ATRN: variants seen among roughly 807,000 people sequenced by gnomAD.
ATRN encodes attractin-2.
A neutral mutation model predicts 178.7 loss-of-function variants in ATRN; 54 were observed. That is an observed-to-expected ratio of 0.30 (90% CI 0.24 to 0.38). ATRN has a LOEUF of 0.38. ATRN is among the 10% of genes least tolerant of loss of function. The pLI, the probability that ATRN is intolerant of heterozygous loss-of-function variation, is 1.00. For missense variants in ATRN, 1,443 were observed against 1,815.1 expected (o/e 0.79, Z 3.73); for synonymous variants, 636 against 663.0 (o/e 0.96, Z 0.63).
chr20:3,571,576 T>G (rs1299790359), intron 11 of ATRN, among the ~76,000 whole-genome samples: 3 of 137,700 alleles, frequency 2.2e-5, no homozygotes. Context: ...TTTTTTTTTT[T>G]GCTAGTCTTA....
At chr20:3,536,203 A>T (rs928837092) in intron 2 of ATRN, among the ~76,000 whole-genome samples, 8 of 151,578 alleles carry the variant, frequency 5.3e-5, no homozygotes, top group African/African-American at 1.9e-4. Context: ...AAGTTTATTT[A>T]TTATTTATTT....
At chr20:3,617,108 C>T (rs760344782) in intron 24 of ATRN, among the ~76,000 whole-genome samples, 3 of 152,054 alleles carry the variant, frequency 2.0e-5, no homozygotes, top group Non-Finnish European at 2.9e-5. Flanking sequence ...ATAAAGGAGC[C>T]GACACCTTTT....
At chr20:3,576,269 T>C (rs916910747) in intron 13 of ATRN, among the ~76,000 whole-genome samples, 4 of 152,140 alleles carry the variant, frequency 2.6e-5, no homozygotes, top group Non-Finnish European at 5.9e-5. Context: ...TTTGATAAAG[T>C]TAGGGTTTGA....
intron 24 of ATRN, among the ~76,000 whole-genome samples, chr20:3,615,208 C>T (rs1463048520): frequency 6.6e-6 from 1 of 152,126 alleles, no homozygotes; most frequent in Admixed American, 6.5e-5. Context: ...GCGGGCAGAT[C>T]GCTTTAGCTC....
chr20:3,613,483 G>C (rs2086794721), intron 24 of ATRN, among the ~76,000 whole-genome samples: 2 of 152,176 alleles, frequency 1.3e-5, no homozygotes, highest in South Asian at 4.1e-4. Context: ...TTTCCCCAGA[G>C]ACTTAGCTTT....
In ATRN at chr20:3,491,141, C is replaced by G. The variant is rs2084787445; in HGVS notation, c.410+19624C>G. On this transcript the variant is annotated intron_variant, in intron 1 of 28. Coordinates refer to ENST00000262919, the MANE Select transcript of ATRN (RefSeq NM_139321.3). ...AATAATTATCTGCAGATTATTAGCT[C>G]TCTGGGGGAAAAAAATCAAAAAAAA... 4 of 537,378 alleles carry G rather than the reference C, an allele frequency of 7.4e-6. No individual in the cohort carries two copies. The Admixed American group carries it at 1.0e-4, about 14-fold the overall frequency. The allele number at this position is 537,378 out of a possible 1,614,324, so 33.3% of individuals were successfully genotyped here.
At chr20:3,641,207 A>G (rs1456210067) in intron 27 of ATRN, among the ~76,000 whole-genome samples, 1 of 152,208 alleles carries the variant, frequency 6.6e-6, no homozygotes, top group African/African-American at 2.4e-5. Flanking sequence ...TTGCACAACA[A>G]TGTGAATATA....
rs943886429 is a variant in ATRN at position 3,592,486 on chromosome 20, A to T, written c.3322+1180A>T. The T allele has an allele frequency of 4.9e-5, 48 of 984,132 alleles. No individual in the cohort carries two copies. In the African/African-American group the frequency reaches 8.0e-4, roughly 16 times the overall value. 61.0% of individuals were successfully genotyped at this position (984,132 alleles called of 1,614,324 possible). A position where few individuals can be genotyped will look rare whatever the true frequency, so the allele number is the denominator to read the frequency against. On this transcript the variant is annotated intron_variant, in intron 19 of 28. Transcript: ENST00000262919. Reference sequence around the variant, plus strand: ...CCTGCAAGCAATAGGACATTTTATTATGAGAACAAAAATTATGACAAGTGA... The same window carrying T: ...CCTGCAAGCAATAGGACATTTTATTTTGAGAACAAAAATTATGACAAGTGA...
At chr20:3,580,637 A>C (rs462238) in intron 15 of ATRN, among the ~76,000 whole-genome samples, 128,177 of 151,624 alleles carry the variant, frequency 0.85, 54,557 homozygotes, top group East Asian at 1. Flanking sequence ...GCTTTCTGTG[A>C]TTTAATTAGT....
rs1236560894 is a variant in ATRN at position 3,644,150 on chromosome 20, C to G, written c.4051-4C>G. 1 of 1,609,856 alleles carries G rather than the reference C, an allele frequency of 6.2e-7. No homozygotes were observed. Among genetic ancestry groups the G allele is most frequent in the Admixed American group, 1.7e-5 (1 of 60,012 alleles). ...CTTAAGGTAATTTTGTTTTCTTCTG[C>G]CAGACTGTTCCCAAACCCATTGCAC... On this transcript the variant is annotated splice_polypyrimidine_tract_variant and splice_region_variant and intron_variant, in intron 27 of 28. Coordinates refer to ENST00000262919, the MANE Select transcript of ATRN (RefSeq NM_139321.3).
chr20:3,472,356 C>T (rs1261827504), intron 1 of ATRN, among the ~76,000 whole-genome samples: 1 of 152,150 alleles, frequency 6.6e-6, no homozygotes, highest in South Asian at 2.1e-4. Context: ...AGATAATGTG[C>T]GCACATAACC....
At chr20:3,490,619 C>T (rs1600019897) in intron 1 of ATRN, 1 of 987,530 alleles carries the variant, frequency 1.0e-6, no homozygotes, top group African/African-American at 1.6e-5. Context: ...CCATATCCCT[C>T]TTCATCTGTG....
intron 11 of ATRN, among the ~76,000 whole-genome samples, chr20:3,568,160 G>T (rs923506235): frequency 1.3e-5 from 2 of 151,816 alleles, no homozygotes; most frequent in African/African-American, 4.8e-5. Context: ...GCGTGGTGGC[G>T]GGCGCATGTA....
At chr20:3,587,159 T>A (rs1396553009) in intron 18 of ATRN, among the ~76,000 whole-genome samples, 1 of 152,226 alleles carries the variant, frequency 6.6e-6, no homozygotes, top group African/African-American at 2.4e-5. Context: ...TTGCAAATAC[T>A]TTCTCCCATT....
At chr20:3,617,541 G>T (rs2086860210) in intron 24 of ATRN, among the ~76,000 whole-genome samples, 1 of 152,114 alleles carries the variant, frequency 6.6e-6, no homozygotes, top group African/African-American at 2.4e-5. Flanking sequence ...AAAAGAAGCT[G>T]AGCATGGTAG....
chr20:3,526,647 A>G (rs943937137), intron 1 of ATRN, among the ~76,000 whole-genome samples: 1 of 152,186 alleles, frequency 6.6e-6, no homozygotes, highest in Non-Finnish European at 1.5e-5. Context: ...AAGCAAAAAG[A>G]ACAAAGCTGG....
intron 27 of ATRN, among the ~76,000 whole-genome samples, chr20:3,641,581 ACT>A (rs1348428277): frequency 4.6e-5 from 5 of 109,250 alleles, no homozygotes; most frequent in Non-Finnish European, 6.8e-5. Context: ...ACAGAACAAG[ACT>A]CTGTCGCAAA....
intron 24 of ATRN, among the ~76,000 whole-genome samples, chr20:3,609,525 T>C (rs776369811): frequency 6.6e-6 from 1 of 152,184 alleles, no homozygotes; most frequent in East Asian, 1.9e-4. Flanking sequence ...TTCTTTCTTT[T>C]GCCTAGTTGC....
chr20:3,549,134 G>T (rs2085749827), intron 5 of ATRN, 36 bp from the exon 6 acceptor site: 2 of 1,529,800 alleles, frequency 1.3e-6, no homozygotes. Flanking sequence ...CTTTAAAGCT[G>T]TCTTTTGTGA....
Sources: allele counts gnomAD v4.1 joint callset (sites outside exome capture counted in the v4.1 genomes callset), GRCh38; gene constraint gnomAD v4.1.1; transcripts MANE v1.5; gene names NCBI Gene and HGNC (gene_info 2026-07-23, HGNC 2026-07-21).